Variants in ARK2C observed in about 807,000 individuals in gnomAD.
The protein encoded by ARK2C is E3 ubiquitin-protein ligase ARK2C.
the ARK2C span, among the ~76,000 whole-genome samples, chr18:46,412,125 G>A: frequency 3.9e-5 from 6 of 152,302 alleles, no homozygotes; most frequent in African/African-American, 1.4e-4. Flanking sequence ...CACAGCCCTG[G>A]GAATCAAAGC....
chr18:46,374,820 C>T, the ARK2C span, among the ~76,000 whole-genome samples: 1 of 152,162 alleles, frequency 6.6e-6, no homozygotes, highest in East Asian at 1.9e-4. Context: ...GAGACACTTC[C>T]TGGGGATGGA....
the ARK2C span, among the ~76,000 whole-genome samples, chr18:46,349,372 G>A: frequency 6.6e-6 from 1 of 152,082 alleles, no homozygotes; most frequent in Admixed American, 6.5e-5. Context: ...GACTCCTCTG[G>A]GGCCTCTTTT....
chr18:46,447,973 C>T, the ARK2C span, among the ~76,000 whole-genome samples: 1 of 150,212 alleles, frequency 6.7e-6, no homozygotes, highest in Non-Finnish European at 1.5e-5. Flanking sequence ...TGCCCTGACT[C>T]CCCTGTGCCC....
the ARK2C span, chr18:46,433,272 C>A: frequency 1.2e-5 from 19 of 1,610,730 alleles, no homozygotes; most frequent in Non-Finnish European, 1.6e-5. Context: ...CGCAGCAGCT[C>A]GCTCCCGACT....
At chr18:46,358,699 G>A in the ARK2C span, among the ~76,000 whole-genome samples, 1 of 152,044 alleles carries the variant, frequency 6.6e-6, no homozygotes, top group African/African-American at 2.4e-5. Flanking sequence ...ACAGGTTCCA[G>A]ACCCCCAGGA....
At chr18:46,423,526 G>T in the ARK2C span, among the ~76,000 whole-genome samples, 1 of 152,212 alleles carries the variant, frequency 6.6e-6, no homozygotes, top group Non-Finnish European at 1.5e-5. Context: ...TTTCCATTCG[G>T]CAAGCCACCA....
At chr18:46,409,641 C>T in the ARK2C span, among the ~76,000 whole-genome samples, 1 of 151,986 alleles carries the variant, frequency 6.6e-6, no homozygotes. Context: ...AGTCTCAGTC[C>T]TGGTATTGAA....
At chr18:46,446,241 G>A in the ARK2C span, among the ~76,000 whole-genome samples, 3 of 152,188 alleles carry the variant, frequency 2.0e-5, no homozygotes, top group Middle Eastern at 3.4e-3. Flanking sequence ...AAAAATTCAA[G>A]AAAAATTCAA....
chr18:46,389,409 A>G, the ARK2C span, among the ~76,000 whole-genome samples: 1 of 152,224 alleles, frequency 6.6e-6, no homozygotes, highest in African/African-American at 2.4e-5. Context: ...CTGTTTTAGG[A>G]AACAAAGAGT....
the ARK2C span, among the ~76,000 whole-genome samples, chr18:46,348,821 G>T: frequency 0.67 from 101,982 of 151,914 alleles, 34,603 homozygotes; most frequent in East Asian, 0.75. Flanking sequence ...GGTAAGTCCT[G>T]CAACCAAGAG....
At chr18:46,369,392 G>A in the ARK2C span, among the ~76,000 whole-genome samples, 2 of 152,058 alleles carry the variant, frequency 1.3e-5, no homozygotes, top group African/African-American at 4.8e-5. Context: ...GGGGTGGCAG[G>A]GGGGTGGGAG....
the ARK2C span, chr18:46,334,823 G>T: frequency 5.0e-6 from 1 of 201,912 alleles, no homozygotes; most frequent in East Asian, 1.1e-4. The surrounding 1 kb of genome is among the most constrained non-coding windows in gnomAD (Gnocchi z 4.4). Context: ...TTCATTTTTT[G>T]TTCATTAGTA....
chr18:46,373,817 G>T, the ARK2C span, among the ~76,000 whole-genome samples: 2 of 152,186 alleles, frequency 1.3e-5, no homozygotes, highest in African/African-American at 4.8e-5. Context: ...AGACCGTGCA[G>T]CCAGAGAAAG....
At chr18:46,393,312 C>T in the ARK2C span, among the ~76,000 whole-genome samples, 589 of 152,252 alleles carry the variant, frequency 3.9e-3, 5 homozygotes, top group South Asian at 0.025. Context: ...TGTTCTGGGC[C>T]GGTGGAGAGC....
At chr18:46,394,432 A>C in the ARK2C span, among the ~76,000 whole-genome samples, 2 of 151,992 alleles carry the variant, frequency 1.3e-5, no homozygotes, top group Non-Finnish European at 1.5e-5. Flanking sequence ...CTCCTCCTGA[A>C]CTGTCTGCTG....
the ARK2C span, among the ~76,000 whole-genome samples, chr18:46,415,616 C>T: frequency 0.012 from 1,828 of 152,108 alleles, 31 homozygotes; most frequent in African/African-American, 0.042. Context: ...TTATTGAGAA[C>T]GTGTTTTGGT....
the ARK2C span, chr18:46,435,236 C>G: frequency 6.5e-7 from 1 of 1,532,294 alleles, no homozygotes; most frequent in South Asian, 1.1e-5. Flanking sequence ...CTCTTGAGAA[C>G]TAGTGGCCTG....
At chr18:46,403,909 C>T in the ARK2C span, among the ~76,000 whole-genome samples, 1 of 152,148 alleles carries the variant, frequency 6.6e-6, no homozygotes, top group African/African-American at 2.4e-5. Flanking sequence ...AAAATCAGAT[C>T]CATTGCACTC....
At chr18:46,398,692 C>A in the ARK2C span, among the ~76,000 whole-genome samples, 1 of 151,986 alleles carries the variant, frequency 6.6e-6, no homozygotes, top group Non-Finnish European at 1.5e-5. Flanking sequence ...ACGGTCTAGC[C>A]CCACAGGCTC....
Sources: gnomAD v4.1 joint callset for allele counts (sites outside exome capture counted in the v4.1 genomes callset) on GRCh38, gnomAD v4.1.1 for gene constraint, Gnocchi (gnomAD v3.1) non-coding constraint, MANE v1.5 for transcripts, NCBI Gene and HGNC (gene_info 2026-07-23, HGNC 2026-07-21) for gene names.